CDKAL1: variants seen among roughly 807,000 people sequenced by gnomAD.
The protein encoded by CDKAL1 is CDKAL1 threonylcarbamoyladenosine tRNA methylthiotransferase, also known as threonylcarbamoyladenosine tRNA methylthiotransferase.
CDKAL1 carries 32 observed loss-of-function variants against 68.2 expected under a neutral mutation model. The ratio of observed to expected loss-of-function variants is 0.47; its 90% confidence interval spans 0.35 to 0.63. CDKAL1 has a LOEUF of 0.63. Among genes scored for constraint, CDKAL1 ranks in the 30% least tolerant of loss-of-function variants. The pLI, the probability that CDKAL1 is intolerant of heterozygous loss-of-function variation, is 0.00. For missense variants in CDKAL1, 606 were observed against 696.7 expected, an observed-to-expected ratio of 0.87 and a Z score of 1.47; for synonymous variants, 234 against 244.3, an observed-to-expected ratio of 0.96 and a Z score of 0.39.
chr6:20,666,364 C>A (rs1178563557), intron 5 of CDKAL1, among the ~76,000 whole-genome samples: 1 of 151,354 alleles, frequency 6.6e-6, no homozygotes, highest in Non-Finnish European at 1.5e-5. Context: ...GTTTGAATTG[C>A]TATAATCTTC....
chr6:20,538,376 A>G (rs1207087351), intron 2 of CDKAL1, among the ~76,000 whole-genome samples: 1 of 152,206 alleles, frequency 6.6e-6, no homozygotes, highest in Admixed American at 6.5e-5. Flanking sequence ...AGGCAAAGCC[A>G]TAGTGGGAAG....
intron 9 of CDKAL1, among the ~76,000 whole-genome samples, chr6:20,882,421 C>T (rs1202070860): frequency 6.6e-6 from 1 of 152,160 alleles, no homozygotes; most frequent in Non-Finnish European, 1.5e-5. Context: ...ATGAAGACTC[C>T]CATATCATAT....
At chr6:20,852,311 C>T (rs776958232) in intron 9 of CDKAL1, among the ~76,000 whole-genome samples, 3 of 152,152 alleles carry the variant, frequency 2.0e-5, no homozygotes, top group African/African-American at 7.2e-5. Flanking sequence ...AAAGTATACA[C>T]TGTACCAAGA....
intron 7 of CDKAL1, among the ~76,000 whole-genome samples, chr6:20,773,868 C>CT (rs1775056813): frequency 6.6e-6 from 1 of 152,032 alleles, no homozygotes. Context: ...TTTTAAAAAA[C>CT]TTTTTTTGCT....
At chr6:20,555,492 T>G (rs1465791666) in intron 4 of CDKAL1, among the ~76,000 whole-genome samples, 3 of 151,688 alleles carry the variant, frequency 2.0e-5, no homozygotes, top group Admixed American at 6.6e-5. Flanking sequence ...AGCTAATTTT[T>G]GAATTTTTAG....
chr6:20,893,268 A>T (rs2150582303), intron 9 of CDKAL1, among the ~76,000 whole-genome samples: 1 of 152,300 alleles, frequency 6.6e-6, no homozygotes, highest in African/African-American at 2.4e-5. Flanking sequence ...GCTGCACTGA[A>T]TGCAGGTTAC....
At chr6:21,110,834 A>G (rs1198869679) in intron 13 of CDKAL1, among the ~76,000 whole-genome samples, 2 of 152,072 alleles carry the variant, frequency 1.3e-5, no homozygotes, top group African/African-American at 4.8e-5. Flanking sequence ...CAGGCATGGT[A>G]TTGCACACCT....
At chr6:20,760,887 G>A (rs1561754342) in intron 7 of CDKAL1, among the ~76,000 whole-genome samples, 1 of 152,156 alleles carries the variant, frequency 6.6e-6, no homozygotes, top group African/African-American at 2.4e-5. Context: ...TATGATTTAT[G>A]AAAGAAATAA....
At chr6:20,545,948 A>G (rs182664240) in intron 2 of CDKAL1, among the ~76,000 whole-genome samples, 1 of 152,362 alleles carries the variant, frequency 6.6e-6, no homozygotes, top group East Asian at 1.9e-4. Context: ...TTCCCTAGTT[A>G]TACCCAAAAT....
chr6:21,088,891 G>A (rs1365460001), intron 12 of CDKAL1, among the ~76,000 whole-genome samples: 3 of 152,272 alleles, frequency 2.0e-5, no homozygotes, highest in South Asian at 2.1e-4. Context: ...GCATTGAGCC[G>A]AGATCATGCC....
At position 21,016,446 on chromosome 6, in the gene CDKAL1, G is replaced by A. The variant is rs569393298; in HGVS notation, c.1055+16074G>A. ...TCAACTCCTTGATCCTCTGTAATCT[G>A]GTTTCTGCTTACTCTGTTTTATTGT... On this transcript the variant is annotated intron_variant, in intron 11 of 15. Coordinates refer to ENST00000274695, the MANE Select transcript of CDKAL1 (RefSeq NM_017774.3). Among the ~76,000 whole-genome samples, 4 of 151,960 alleles carry A rather than the reference G, an allele frequency of 2.6e-5. No homozygotes were observed. The East Asian group carries it at 7.7e-4, about 29-fold the overall frequency.
chr6:20,763,714 A>G (rs532324857), intron 7 of CDKAL1, among the ~76,000 whole-genome samples: 1 of 152,322 alleles, frequency 6.6e-6, no homozygotes, highest in African/African-American at 2.4e-5. Flanking sequence ...AACTGTACTA[A>G]TAAGGTACAT....
intron 9 of CDKAL1, among the ~76,000 whole-genome samples, chr6:20,937,780 G>A (rs903514777): frequency 4.6e-5 from 7 of 151,894 alleles, no homozygotes; most frequent in African/African-American, 1.5e-4. Context: ...CAAGGTACAT[G>A]ATGTTAAGAT....
chr6:21,067,032 TA>T (rs1771488615), intron 12 of CDKAL1, among the ~76,000 whole-genome samples: 1 of 152,226 alleles, frequency 6.6e-6, no homozygotes, highest in Non-Finnish European at 1.5e-5. Context: ...ATTCTTTTTT[TA>T]AACTTTACTT....
chr6:21,023,722 C>T (rs1291748443), intron 11 of CDKAL1, among the ~76,000 whole-genome samples: 1 of 152,068 alleles, frequency 6.6e-6, no homozygotes, highest in East Asian at 1.9e-4. Context: ...ATGTGGTTTT[C>T]ATTTATCTTA....
At chr6:20,582,475 A>G (rs576614191) in intron 4 of CDKAL1, among the ~76,000 whole-genome samples, 32 of 152,286 alleles carry the variant, frequency 2.1e-4, no homozygotes, top group Non-Finnish European at 4.3e-4. Context: ...TCATGAAGCA[A>G]TTTTATCTAA....
At chr6:21,217,347 GC>G (rs1362529482) in intron 15 of CDKAL1, among the ~76,000 whole-genome samples, 2 of 149,880 alleles carry the variant, frequency 1.3e-5, no homozygotes, top group Non-Finnish European at 3.0e-5. Context: ...AGGCTGGAGT[GC>G]AGTGATGTGA....
chr6:21,017,867 A>G (rs1188527393), intron 11 of CDKAL1, among the ~76,000 whole-genome samples: 1 of 150,198 alleles, frequency 6.7e-6, no homozygotes, highest in Non-Finnish European at 1.5e-5. Flanking sequence ...ATTAAAATAT[A>G]TAAAATTTAA....
chr6:20,823,526 G>C (rs1379268785), intron 8 of CDKAL1, among the ~76,000 whole-genome samples: 1 of 152,156 alleles, frequency 6.6e-6, no homozygotes, highest in Non-Finnish European at 1.5e-5. Flanking sequence ...AGTGCAGCTT[G>C]CTGCCAGTGC....
Sources: allele counts gnomAD v4.1 joint callset (sites outside exome capture counted in the v4.1 genomes callset), GRCh38; gene constraint gnomAD v4.1.1; transcripts MANE v1.5; gene names NCBI Gene and HGNC (gene_info 2026-07-23, HGNC 2026-07-21).